Variants in CDK12 observed in about 807,000 individuals in gnomAD.
CDK12 encodes cyclin dependent kinase 12, also known as cyclin-dependent kinase 12.
A neutral mutation model predicts 133.8 loss-of-function variants in CDK12; 17 were observed. The ratio of observed to expected loss-of-function variants is 0.13; its 90% CI spans 0.09 to 0.19. CDK12 has a LOEUF of 0.19. Among genes scored for constraint, CDK12 ranks in the 10% least tolerant of loss-of-function variants. CDK12 has a pLI of 1.00. For missense variants in CDK12, 1,508 were observed against 1,818.7 expected, an observed-to-expected ratio of 0.83 and a Z score of 3.11; for synonymous variants, 694 against 683.6, an observed-to-expected ratio of 1.02 and a Z score of -0.24.
downstream of CDK12, among the ~76,000 whole-genome samples, chr17:39,566,435 A>G (rs575492357): frequency 1.3e-5 from 2 of 152,256 alleles, no homozygotes; most frequent in African/African-American, 4.8e-5. Context: ...TTCTCACCTC[A>G]GACCCAACCT....
downstream of CDK12, among the ~76,000 whole-genome samples, chr17:39,538,864 A>G (rs2055266991): frequency 6.6e-6 from 1 of 152,046 alleles, no homozygotes; most frequent in South Asian, 2.1e-4. Context: ...GCGCCACTTC[A>G]CTCCAGCCTA....
At chr17:39,523,577 C>G (rs2054312268) in intron 11 of CDK12, among the ~76,000 whole-genome samples, 1 of 152,182 alleles carries the variant, frequency 6.6e-6, no homozygotes, top group Non-Finnish European at 1.5e-5. Context: ...AGAAAGACTA[C>G]ATGTCTTAAA....
chr17:39,526,735 GC>G lies in CDK12; in HGVS notation c.3760+421del, dbSNP rs568463819. Among the ~76,000 whole-genome samples the G allele has an allele frequency of 1.2e-4, 19 of 152,300 alleles. No individual in the cohort carries two copies. The East Asian group carries it at 3.5e-3, about 28-fold the overall frequency. On this transcript the variant is annotated intron_variant, in intron 13 of 13. Coordinates refer to ENST00000447079, the MANE Select transcript of CDK12 (RefSeq NM_016507.4). ...ACCTCTAGTGGAGTGGATGCTGAAT[GC>G]CAGTCTTTCCTGGAAGATACAATCA...
At chr17:39,482,033 A>T (rs2050758340) in intron 2 of CDK12, among the ~76,000 whole-genome samples, 3 of 24,748 alleles carry the variant, frequency 1.2e-4, no homozygotes, top group Non-Finnish European at 5.1e-4. Context: ...TTTTTTTTTA[A>T]CAGAGTTTCG....
At chr17:39,545,246 G>T (rs2055626794), upstream of CDK12, among the ~76,000 whole-genome samples, 1 of 152,180 alleles carries the variant, frequency 6.6e-6, no homozygotes, top group South Asian at 2.1e-4. Flanking sequence ...TGTTGCCCAG[G>T]CTGTAGTGCA....
At chr17:39,480,258 A>G (rs1597974486) in intron 2 of CDK12, among the ~76,000 whole-genome samples, 1 of 140,954 alleles carries the variant, frequency 7.1e-6, no homozygotes, top group African/African-American at 2.6e-5. Context: ...AAAGAATGAA[A>G]CTTTACTTTT....
intron 2 of CDK12, among the ~76,000 whole-genome samples, chr17:39,481,657 T>C (rs1245109480): frequency 7.6e-5 from 1 of 13,138 alleles, no homozygotes; most frequent in African/African-American, 1.7e-4. Flanking sequence ...TCTCTCTCTC[T>C]CTCTCTCTCT....
In CDK12 at chr17:39,531,260, C is replaced by CG; in HGVS notation, c.4422dup (p.Pro1475AlafsTer38). 1 of 1,509,790 alleles carries CG rather than the reference C, an allele frequency of 6.6e-7. No homozygotes were observed. The highest frequency in any genetic ancestry group is 8.8e-7 in the Non-Finnish European group (1 of 1,132,220). 93.5% of individuals were successfully genotyped at this position (1,509,790 alleles called of 1,614,324 possible). On this transcript the variant is annotated frameshift_variant, in exon 14 of 14. Transcript: ENST00000447079. LOFTEE classifies it high-confidence loss of function. ...GTCTTCTGCTTATGGAAAACTCTAT[C>CG]GGGGGCCTACAAGAGTCCCACCAAG...
At chr17:39,507,031 G>A (rs2053177027) in intron 6 of CDK12, among the ~76,000 whole-genome samples, 1 of 151,868 alleles carries the variant, frequency 6.6e-6, no homozygotes, top group Admixed American at 6.6e-5. Flanking sequence ...CAAGTGGCTA[G>A]GACTACAGGT....
At chr17:39,518,352 A>G (rs1301394195) in intron 10 of CDK12, among the ~76,000 whole-genome samples, 4 of 150,208 alleles carry the variant, frequency 2.7e-5, no homozygotes, top group Non-Finnish European at 5.9e-5. Context: ...TTCCGTGTAG[A>G]GATAGGGTCT....
chr17:39,520,114 C>G (rs1404942160), intron 11 of CDK12, 27 bp downstream of exon 11: 3 of 1,612,470 alleles, frequency 1.9e-6, no homozygotes, highest in Non-Finnish European at 2.5e-6. Context: ...ATGTTGTGAC[C>G]CTAAATCTTT....
chr17:39,495,870 G>A (rs1235774162), intron 5 of CDK12, among the ~76,000 whole-genome samples: 1 of 150,854 alleles, frequency 6.6e-6, no homozygotes, highest in Non-Finnish European at 1.5e-5. Flanking sequence ...GAAAACCACT[G>A]AAGTATTAAT....
At chr17:39,464,746 T>C (rs181489786) in intron 1 of CDK12, among the ~76,000 whole-genome samples, 7 of 151,394 alleles carry the variant, frequency 4.6e-5, no homozygotes, top group African/African-American at 1.7e-4. Context: ...AAATATTTGC[T>C]GTATCCAGGC....
chr17:39,511,663 A>G (rs2146379146), intron 8 of CDK12, 33 bp downstream of exon 8: 1 of 1,388,586 alleles, frequency 7.2e-7, no homozygotes, highest in Non-Finnish European at 1.0e-6. Flanking sequence ...TTTTGTCTGT[A>G]ACTTACATAC....
In CDK12 at chr17:39,461,802, G is replaced by T; in HGVS notation, c.-270G>T. On this transcript the variant is annotated 5_prime_UTR_variant, in exon 1 of 14. Coordinates refer to ENST00000447079, the MANE Select transcript of CDK12 (RefSeq NM_016507.4). ...GAGGACTGGCTCGGCGGAGGGAGAAGAGGAAACAGACTTGAGCAGCTCCCC... is the reference window on the plus strand; with the variant it reads ...GAGGACTGGCTCGGCGGAGGGAGAATAGGAAACAGACTTGAGCAGCTCCCC... 1 of 491,700 alleles carries T rather than the reference G, an allele frequency of 2.0e-6. No homozygotes were observed. Among genetic ancestry groups the T allele is most frequent in the South Asian group, 2.8e-5 (1 of 35,774 alleles). The allele number at this position is 491,700 out of a possible 1,614,324, so 30.5% of individuals were successfully genotyped here. A position where few individuals can be genotyped will look rare whatever the true frequency, so the allele number is the denominator to read the frequency against.
chr17:39,522,007 G>T (rs1029995710), intron 11 of CDK12, among the ~76,000 whole-genome samples: 1 of 152,050 alleles, frequency 6.6e-6, no homozygotes, highest in African/African-American at 2.4e-5. Flanking sequence ...GCCTCCCTCT[G>T]GTTTTTGCTC....
chr17:39,471,219 G>T lies in CDK12; in HGVS notation c.1387G>T (p.Val463Leu), dbSNP rs376668823. The change falls in exon 2 of 14, where the codon GTG becomes TTG. Residue 463 changes from valine (V) to leucine (L), a missense_variant. Physicochemically the swap from Val to Leu is conservative, Grantham distance 32. Coordinates refer to ENST00000447079, the MANE Select transcript of CDK12 (RefSeq NM_016507.4). ...LEKSAPDTEL[V>L]NVTHLNTEVK... ...AAAATCTGCCCCAGATACTGAACTG[G>T]TGAATGTAACACATCTAAACACAGA... is the stretch of plus-strand genomic sequence containing the variant. 8 of 1,598,434 alleles carry T rather than the reference G, an allele frequency of 5.0e-6. No individual in the cohort carries two copies. In the Admixed American group the frequency reaches 1.4e-4, roughly 29 times the overall value.
At chr17:39,517,273 T>G (rs2053872501) in intron 9 of CDK12, among the ~76,000 whole-genome samples, 167 bp from the exon 10 acceptor site, 1 of 152,222 alleles carries the variant, frequency 6.6e-6, no homozygotes, top group Non-Finnish European at 1.5e-5. Flanking sequence ...TCTCTGCCTT[T>G]CTGCCCTTAA....
chr17:39,527,804 C>T (rs1224044925), intron 13 of CDK12, among the ~76,000 whole-genome samples: 5 of 152,202 alleles, frequency 3.3e-5, no homozygotes, highest in Non-Finnish European at 7.3e-5. Context: ...GCCTCAGCCT[C>T]CCATAGTGCT....
Sources: allele counts gnomAD v4.1 joint callset (sites outside exome capture counted in the v4.1 genomes callset), GRCh38; gene constraint gnomAD v4.1.1; transcripts MANE v1.5; gene names NCBI Gene and HGNC (gene_info 2026-07-23, HGNC 2026-07-21).